The following HMGB1 variants were observed in gnomAD, a reference collection of about 807,000 sequenced individuals.
HMGB1 encodes the protein high mobility group box 1.
For missense variants in HMGB1, 79 were observed against 253.5 expected (o/e 0.31, Z 4.67); for synonymous variants, 81 against 84.0 (o/e 0.96, Z 0.19).
At chr13:30,615,222 A>C (rs1950549401) in intron 1 of HMGB1, among the ~76,000 whole-genome samples, 1 of 152,166 alleles carries the variant, frequency 6.6e-6, no homozygotes, top group African/African-American at 2.4e-5. Context: ...ACACATCTGA[A>C]TTTACTGAAA....
intron 1 of HMGB1, among the ~76,000 whole-genome samples, chr13:30,538,663 CCTTTCTTT>C (rs199917844): frequency 3.7e-5 from 3 of 80,036 alleles, no homozygotes; most frequent in Admixed American, 1.3e-4. Flanking sequence ...TTCTTTCTTT[CCTTTCTTT>C]CTTTCTTTCT....
chr13:30,475,137 TC>T (rs1358832084), intron 1 of HMGB1, among the ~76,000 whole-genome samples: 9,023 of 44,848 alleles, frequency 0.2, 2,388 homozygotes, highest in East Asian at 0.28. Flanking sequence ...TCTCTCTCTC[TC>T]TTTTTTTTTT....
At chr13:30,558,940 A>G (rs1349445994) in intron 1 of HMGB1, among the ~76,000 whole-genome samples, 1 of 152,178 alleles carries the variant, frequency 6.6e-6, no homozygotes, top group African/African-American at 2.4e-5. Context: ...ATGGATTATA[A>G]TCTTCTTGAG....
chr13:30,491,869 T>A (rs1185387908), intron 1 of HMGB1, among the ~76,000 whole-genome samples: 1 of 152,044 alleles, frequency 6.6e-6, no homozygotes, highest in Non-Finnish European at 1.5e-5. Context: ...AAAAATTTGC[T>A]CTTAGAAAGA....
chr13:30,581,249 A>G (rs895813746), intron 1 of HMGB1, among the ~76,000 whole-genome samples: 1 of 152,154 alleles, frequency 6.6e-6, no homozygotes, highest in Non-Finnish European at 1.5e-5. Context: ...TCTGCTCTAG[A>G]TCCACTGCAT....
intron 1 of HMGB1, among the ~76,000 whole-genome samples, chr13:30,557,544 T>C (rs1268819965): frequency 6.6e-6 from 1 of 152,230 alleles, no homozygotes; most frequent in African/African-American, 2.4e-5. Context: ...CCAATAAATG[T>C]TGACCTAAGA....
chr13:30,500,371 TTG>T (rs1056582235), intron 1 of HMGB1, among the ~76,000 whole-genome samples: 1 of 152,092 alleles, frequency 6.6e-6, no homozygotes, highest in African/African-American at 2.4e-5. Flanking sequence ...TATGATATTC[TTG>T]TGTGTGTGTT....
chr13:30,483,172 C>A (rs529681472), intron 1 of HMGB1, among the ~76,000 whole-genome samples: 2 of 152,202 alleles, frequency 1.3e-5, no homozygotes, highest in Non-Finnish European at 2.9e-5. Context: ...AGCAGCCCAG[C>A]ACTCCTCACC....
chr13:30,465,671 T>A (rs1388964265), intron 1 of HMGB1, 125 bp downstream of exon 1: 1 of 280,042 alleles, frequency 3.6e-6, no homozygotes, highest in Non-Finnish European at 5.3e-6. Context: ...CCCCCCACGG[T>A]CCCCCCTCAT....
chr13:30,568,742 G>C lies in HMGB1; in HGVS notation c.-15+47929C>G, dbSNP rs80202099. On this transcript the variant is annotated intron_variant, in intron 1 of 4. Transcript: ENST00000405805. Reference sequence around the variant, plus strand: ...AACCAGAAGCCAGGAGAGATGCATGGGATGATTTCTCCCTCACAGCCTCCA... The same window carrying C: ...AACCAGAAGCCAGGAGAGATGCATGCGATGATTTCTCCCTCACAGCCTCCA... Among the ~76,000 whole-genome samples the C allele has an allele frequency of 2.5e-3, 374 of 152,204 alleles. 2 individuals carry two copies. The highest frequency in any genetic ancestry group is 8.6e-3 in the African/African-American group (357 of 41,514).
chr13:30,515,894 A>G (rs1888091841), intron 1 of HMGB1, among the ~76,000 whole-genome samples: 1 of 152,212 alleles, frequency 6.6e-6, no homozygotes, highest in Admixed American at 6.5e-5. Context: ...TCTTTGCATG[A>G]ATTACCATTA....
chr13:30,526,002 A>T (rs1468515554), intron 1 of HMGB1, among the ~76,000 whole-genome samples: 1 of 151,962 alleles, frequency 6.6e-6, no homozygotes, highest in Non-Finnish European at 1.5e-5. Context: ...CAGCCTGGCA[A>T]TTTTTTTTAA....
chr13:30,483,447 C>A (rs1361675491), intron 1 of HMGB1, among the ~76,000 whole-genome samples: 1 of 152,096 alleles, frequency 6.6e-6, no homozygotes, highest in Non-Finnish European at 1.5e-5. Context: ...CACTTCCCTT[C>A]ATTTCCGAGG....
intron 1 of HMGB1, among the ~76,000 whole-genome samples, chr13:30,546,298 T>C (rs1869155800): frequency 6.6e-6 from 1 of 152,198 alleles, no homozygotes; most frequent in African/African-American, 2.4e-5. Context: ...TGTATTTTAG[T>C]AGAGACGGGG....
chr13:30,579,655 T>A (rs1870816137), intron 1 of HMGB1, among the ~76,000 whole-genome samples: 1 of 152,134 alleles, frequency 6.6e-6, no homozygotes, highest in Non-Finnish European at 1.5e-5. Context: ...AGGACAGTAA[T>A]GGGATCTTCC....
Position 30,458,599 on chromosome 13 carries a change from G to A in HMGB1, c.*2758C>T, listed in dbSNP as rs1157164170. Reference sequence around the variant, plus strand: ...CCGCCTTGGCCTCCCAAAGTGCTGGGATTACAGGCGTGAGCCACTGCGCCC... The same window carrying A: ...CCGCCTTGGCCTCCCAAAGTGCTGGAATTACAGGCGTGAGCCACTGCGCCC... On this transcript the variant is annotated 3_prime_UTR_variant, in exon 5 of 5. Coordinates refer to ENST00000341423, the MANE Select transcript of HMGB1 (RefSeq NM_002128.7). 1.3e-5 allele frequency: 2 copies of A among 152,234 alleles called. No homozygotes were observed. The highest frequency in any genetic ancestry group is 2.9e-5 in the Non-Finnish European group (2 of 68,096). The allele number at this position is 152,234 out of a possible 1,614,324, so 9.4% of individuals were successfully genotyped here.
chr13:30,538,605 TTCTTTC>T (rs1457471247), intron 1 of HMGB1, among the ~76,000 whole-genome samples: 1 of 134,300 alleles, frequency 7.4e-6, no homozygotes, highest in Non-Finnish European at 1.5e-5. Flanking sequence ...TTCTTTTTCT[TTCTTTC>T]TCTTTCTCTC....
chr13:30,497,442 G>A (rs9551927), intron 1 of HMGB1, among the ~76,000 whole-genome samples: 70,096 of 115,470 alleles, frequency 0.61, 18,098 homozygotes, highest in South Asian at 0.7. Context: ...TGTTGGCCAG[G>A]CTGTTTTTTT....
chr13:30,505,169 T>C (rs1887824782), intron 1 of HMGB1, among the ~76,000 whole-genome samples: 1 of 150,494 alleles, frequency 6.6e-6, no homozygotes. Flanking sequence ...TTTGTTGTTG[T>C]CGTTGTTGTT....
Sources: gnomAD v4.1 joint callset for allele counts (sites outside exome capture counted in the v4.1 genomes callset) on GRCh38, gnomAD v4.1.1 for gene constraint, MANE v1.5 for transcripts, NCBI Gene and HGNC (gene_info 2026-07-23, HGNC 2026-07-21) for gene names.